The following HIVEP2 variants were observed in gnomAD, a reference collection of about 807,000 sequenced individuals.
HIVEP2 encodes transcription factor HIVEP2.
HIVEP2 carries 14 observed loss-of-function variants against 180.7 expected under a neutral mutation model. That is an observed-to-expected ratio of 0.08 (90% CI 0.05 to 0.12). The LOEUF (loss-of-function observed/expected upper bound fraction) is 0.12, where lower values mean the gene tolerates loss of function less well. Ranked by LOEUF, HIVEP2 falls within the 10% of genes least tolerant of loss-of-function variation. The pLI, the probability that HIVEP2 is intolerant of heterozygous loss-of-function variation, is 1.00. For synonymous variants in HIVEP2, 1,184 were observed against 1,136.4 expected, an observed-to-expected ratio of 1.04 and a Z score of -0.84; for missense variants, 2,579 against 3,008.5, an observed-to-expected ratio of 0.86 and a Z score of 3.34.
chr6:142,902,771 T>C (rs999338354), intron 1 of HIVEP2, among the ~76,000 whole-genome samples: 1 of 152,226 alleles, frequency 6.6e-6, no homozygotes, highest in Non-Finnish European at 1.5e-5. Context: ...ACAATGCTGA[T>C]ACTACAATGC....
intron 6 of HIVEP2, 56 bp from the exon 7 acceptor site, chr6:142,765,030 A>G (rs1471234908): frequency 1.3e-6 from 2 of 1,482,964 alleles, no homozygotes; most frequent in African/African-American, 2.8e-5. Context: ...CATGCTATAT[A>G]TTAAAGCAAA....
rs1775567924 is a variant in HIVEP2, at chr6:142,772,298, A to G, written c.2441T>C (p.Phe814Ser). The G allele has an allele frequency of 6.2e-7, 1 of 1,614,056 alleles. No homozygotes were observed. The highest frequency in any genetic ancestry group is 1.3e-5 in the African/African-American group (1 of 74,902). ...HTNSLSRPNS[F>S]ERSESAELVA... ...AAGTTCGGCTGACTCAGACCTTTCA[A>G]ATGAATTGGGTCGGCTCAGTGAGTT... is the stretch of plus-strand genomic sequence containing the variant. The change falls in exon 5 of 10, where the codon TTT becomes TCT. Residue 814 changes from phenylalanine (F) to serine (S), a missense_variant. By Grantham distance (155) the Phe-to-Ser change is radical. This residue lies in a region of HIVEP2 where 524 missense variants were observed against 563.6 expected (regional missense o/e 0.93). Coordinates refer to ENST00000367603, the MANE Select transcript of HIVEP2 (RefSeq NM_006734.4). The surrounding 1 kb of genome is among the most constrained non-coding windows in gnomAD (Gnocchi z 4.9).
rs1480147428 is a variant in HIVEP2 at position 142,943,811 on chromosome 6, C to A, written c.-641+1288G>T. ...TTTGCAATGTCAGTTGCACACACAA[C>A]TTCCTGTGTGAATGCTAAGCCATTA... On this transcript the variant is annotated intron_variant, in intron 1 of 9. Transcript: ENST00000367603. The surrounding 1 kb of genome is among the most constrained non-coding windows in gnomAD (Gnocchi z 4.5). Among the ~76,000 whole-genome samples the A allele has an allele frequency of 1.3e-5, 2 of 152,212 alleles. No homozygotes were observed. Among genetic ancestry groups the A allele is most frequent in the Non-Finnish European group, 2.9e-5 (2 of 68,046 alleles).
At position 142,770,585 on chromosome 6, in the gene HIVEP2, TGCATGG is replaced by T; in HGVS notation, c.4148_4153del (p.Ala1383_Gln1385delinsGlu). On this transcript the variant is annotated inframe_deletion, in exon 5 of 10. Coordinates refer to ENST00000367603, the MANE Select transcript of HIVEP2 (RefSeq NM_006734.4). The surrounding 1 kb of genome is among the most constrained non-coding windows in gnomAD (Gnocchi z 4.7). ...CTGGGCAATGTTGAATCCTATCCCTTGCATGGCTGCGTTGGTGACCAGTGTCCTTTG... is the reference window on the plus strand; with the variant it reads ...CTGGGCAATGTTGAATCCTATCCCTTCTGCGTTGGTGACCAGTGTCCTTTG... The T allele has an allele frequency of 6.2e-7, 1 of 1,614,228 alleles. No individual in the cohort carries two copies.
At chr6:142,827,213 T>C (rs1188334265) in intron 2 of HIVEP2, among the ~76,000 whole-genome samples, 2 of 152,216 alleles carry the variant, frequency 1.3e-5, no homozygotes, top group Non-Finnish European at 2.9e-5. Context: ...ATATAATTGC[T>C]TGAAAAAACA....
At chr6:142,756,851 A>G (rs1174988387) in intron 9 of HIVEP2, among the ~76,000 whole-genome samples, 1 of 151,456 alleles carries the variant, frequency 6.6e-6, no homozygotes, top group Non-Finnish European at 1.5e-5. Context: ...CCGTCCATCC[A>G]TCTGTCTTAA....
chr6:142,774,714 C>T lies in HIVEP2; in HGVS notation c.25G>A (p.Gly9Arg). MDTGDTALGQKATSRSGET... is the reference protein window; with the variant it reads MDTGDTALRQKATSRSGET... ...CCAGACCTTGAGGTAGCTTTTTGTC[C>T]TAGAGCTGTGTCCCCAGTGTCCATT... The change falls in exon 5 of 10, where the codon GGA becomes AGA. Residue 9 changes from glycine (G) to arginine (R), a missense_variant. This residue lies in a region of HIVEP2 where 207 missense variants were observed against 210.1 expected (regional missense o/e 0.99). Coordinates refer to ENST00000367603, the MANE Select transcript of HIVEP2 (RefSeq NM_006734.4). This position sits in a 1 kb window ranked among gnomAD's most constrained non-coding sequence, Gnocchi z 5.1. 1.2e-6 allele frequency: 2 copies of T among 1,614,082 alleles called. No individual in the cohort carries two copies. The highest frequency in any genetic ancestry group is 1.7e-6 in the Non-Finnish European group (2 of 1,179,980).
chr6:142,810,280 C>A (rs918738626), intron 2 of HIVEP2, among the ~76,000 whole-genome samples: 1 of 152,040 alleles, frequency 6.6e-6, no homozygotes, highest in African/African-American at 2.4e-5. Context: ...AATGACTATA[C>A]GTATATATTG....
chr6:142,854,584 G>A lies in HIVEP2; in HGVS notation c.-640-17537C>T, dbSNP rs751939513. 2.0e-4 allele frequency among the ~76,000 whole-genome samples: 30 copies of A among 152,244 alleles called. No individual in the cohort carries two copies. In the Middle Eastern group the frequency reaches 0.014, roughly 69 times the overall value. ...GTGTGACATTTGTTTTTTAATTGAA[G>A]ATGTCCAATCAAGACAGCCGAACTT... On this transcript the variant is annotated intron_variant, in intron 1 of 9. Transcript: ENST00000367603.
At chr6:142,904,724 A>G (rs1013924844) in intron 1 of HIVEP2, among the ~76,000 whole-genome samples, 2 of 152,334 alleles carry the variant, frequency 1.3e-5, no homozygotes, top group Non-Finnish European at 2.9e-5. Context: ...TATTTCTATT[A>G]ATACTGATAT....
At chr6:142,903,560 T>C (rs1419598111) in intron 1 of HIVEP2, among the ~76,000 whole-genome samples, 1 of 152,220 alleles carries the variant, frequency 6.6e-6, no homozygotes, top group Non-Finnish European at 1.5e-5. Flanking sequence ...TACTAATGCA[T>C]TATGCATTCC....
intron 1 of HIVEP2, among the ~76,000 whole-genome samples, chr6:142,842,742 GA>G (rs1025725886): frequency 1.1e-3 from 164 of 143,204 alleles, no homozygotes; most frequent in African/African-American, 2.4e-3. Flanking sequence ...CACTTTAAGT[GA>G]AAAAAAAAAA....
rs375645482 is a variant in HIVEP2 at position 142,773,155 on chromosome 6, C to T, written c.1584G>A (p.Pro528=). Residue 528 remains proline (P), a synonymous_variant, in exon 5 of 10, where the codon CCG becomes CCA. Transcript: ENST00000367603. ...AGTCTACAGGAGCTTCTAAGAGAAC[C>T]GGGTTGCTGCCTTGGAAGTTTGCTG... ...LYPANFQGSN[P]VLLEAPVDSS... The T allele has an allele frequency of 3.4e-5, 55 of 1,614,164 alleles. No homozygotes were observed. The highest frequency in any genetic ancestry group is 4.0e-5 in the African/African-American group (3 of 75,020).
Position 142,759,967 on chromosome 6 carries a change from T to G in HIVEP2, c.6321A>C (p.Pro2107=). Residue 2107 remains proline, a synonymous_variant, in exon 9 of 10, where the codon CCA becomes CCC. Coordinates refer to ENST00000367603, the MANE Select transcript of HIVEP2 (RefSeq NM_006734.4). ...GCCTCCTTGGAGACAAATGCCTTCT[T>G]GGTGAAACATCTCTTTGGGACATCT... ...RREMSQRDVS[P]RRHLSPRRPV... is the part of the protein sequence containing the mutation. The G allele has an allele frequency of 6.2e-7, 1 of 1,613,990 alleles. No individual in the cohort carries two copies. The highest frequency in any genetic ancestry group is 8.5e-7 in the Non-Finnish European group (1 of 1,179,968).
At chr6:142,809,581 C>CTGTTTGTTTGTTTGTT (rs3057566) in intron 2 of HIVEP2, among the ~76,000 whole-genome samples, 428 of 150,518 alleles carry the variant, frequency 2.8e-3, no homozygotes, top group African/African-American at 9.2e-3. Flanking sequence ...TCTGGGTTTT[C>CTGTTTGTTTGTTTGTT]TGTTTGTTTG....
chr6:142,767,631 A>AT (rs1775408259), intron 6 of HIVEP2, among the ~76,000 whole-genome samples: 1 of 152,252 alleles, frequency 6.6e-6, no homozygotes. Context: ...TTTTAGAAGC[A>AT]TAAGTGTAGG....
At chr6:142,901,723 G>A (rs1777136733) in intron 1 of HIVEP2, among the ~76,000 whole-genome samples, 1 of 152,126 alleles carries the variant, frequency 6.6e-6, no homozygotes, top group South Asian at 2.1e-4. Context: ...CAATGTCTCA[G>A]GTAAATTCGC....
At chr6:142,924,344 C>T (rs998758072) in intron 1 of HIVEP2, among the ~76,000 whole-genome samples, 1 of 152,144 alleles carries the variant, frequency 6.6e-6, no homozygotes, top group Non-Finnish European at 1.5e-5. Context: ...GTGCTCTGAG[C>T]AACTACTCCG....
chr6:142,767,889 G>A (rs1211042365), intron 6 of HIVEP2, among the ~76,000 whole-genome samples: 4 of 152,188 alleles, frequency 2.6e-5, no homozygotes, highest in African/African-American at 7.2e-5. Flanking sequence ...TGGATCCTGG[G>A]ACAGAAAAGG....
Sources: gnomAD v4.1 joint callset for allele counts (sites outside exome capture counted in the v4.1 genomes callset) on GRCh38, gnomAD v4.1.1 for gene constraint, gnomAD v4.1.1 regional missense constraint, Gnocchi (gnomAD v3.1) non-coding constraint, MANE v1.5 for transcripts, NCBI Gene and HGNC (gene_info 2026-07-23, HGNC 2026-07-21) for gene names.